TECPR2: variants seen among roughly 807,000 people sequenced by gnomAD.
The protein encoded by TECPR2 is tectonin beta-propeller repeat-containing protein 2.
In TECPR2, 65 loss-of-function variants were observed where a neutral mutation model predicts 138.1. The observed-to-expected ratio is 0.47, with a 90% CI of 0.39 to 0.58. TECPR2 has a LOEUF of 0.58. Ranked by LOEUF, TECPR2 falls within the 20% of genes least tolerant of loss-of-function variation. The pLI is 0.00. For synonymous variants in TECPR2, 746 were observed against 749.8 expected (o/e 0.99, Z 0.08); for missense variants, 1,553 against 1,824.5 (o/e 0.85, Z 2.71).
At chr14:102,389,205 A>G (rs1459860807) in intron 2 of TECPR2, among the ~76,000 whole-genome samples, 1 of 152,002 alleles carries the variant, frequency 6.6e-6, no homozygotes, top group Non-Finnish European at 1.5e-5. Flanking sequence ...ACACACCTGT[A>G]ATCCCAGCTA....
intron 5 of TECPR2, 114 bp from the exon 6 acceptor site, chr14:102,424,862 AATT>A: frequency 9.5e-7 from 1 of 1,055,088 alleles, no homozygotes; most frequent in Non-Finnish European, 1.4e-6. Context: ...GTGAAAAATC[AATT>A]ATTGTCTTAG....
At chr14:102,368,069 G>A (rs1190818872) in intron 1 of TECPR2, among the ~76,000 whole-genome samples, 1 of 139,770 alleles carries the variant, frequency 7.2e-6, no homozygotes, top group Non-Finnish European at 1.5e-5. Context: ...GTGCAGTGGT[G>A]CGATCTTGGC....
chr14:102,495,854 G>A (rs950128122), intron 17 of TECPR2, among the ~76,000 whole-genome samples: 10 of 152,234 alleles, frequency 6.6e-5, no homozygotes, highest in African/African-American at 1.2e-4. Flanking sequence ...AGCAGCCGGC[G>A]GGTGAGGATG....
chr14:102,478,194 T>TGCACCACC (rs1890809609), intron 17 of TECPR2, among the ~76,000 whole-genome samples: 1 of 151,710 alleles, frequency 6.6e-6, no homozygotes, highest in Non-Finnish European at 1.5e-5. Flanking sequence ...ACTACAGGCA[T>TGCACCACC]GCACCACCGC....
At chr14:102,423,854 T>C (rs552121367) in intron 5 of TECPR2, among the ~76,000 whole-genome samples, 1 of 152,060 alleles carries the variant, frequency 6.6e-6, no homozygotes, top group South Asian at 2.1e-4. Context: ...AAGGCAACAA[T>C]ATAGATGGGT....
chr14:102,442,897 T>G (rs190087999), intron 11 of TECPR2, among the ~76,000 whole-genome samples: 6 of 152,208 alleles, frequency 3.9e-5, no homozygotes, highest in Non-Finnish European at 5.9e-5. Context: ...TTAGACATAC[T>G]TTATTGACAG....
chr14:102,370,759 G>A (rs570656905), intron 1 of TECPR2, among the ~76,000 whole-genome samples: 11 of 152,206 alleles, frequency 7.2e-5, no homozygotes, highest in Non-Finnish European at 1.6e-4. Flanking sequence ...GGAGGGAGAG[G>A]CGGGCAGATG....
chr14:102,391,494 T>C (rs1238450758), intron 2 of TECPR2, among the ~76,000 whole-genome samples: 1 of 152,198 alleles, frequency 6.6e-6, no homozygotes, highest in Non-Finnish European at 1.5e-5. Context: ...ACACAAGAGC[T>C]TCAAAGGTGC....
intron 15 of TECPR2, 75 bp from the exon 16 acceptor site, chr14:102,452,319 G>A: frequency 6.8e-7 from 1 of 1,462,640 alleles, no homozygotes; most frequent in Non-Finnish European, 9.3e-7. Context: ...GAAAGGCAAA[G>A]GCTGCCTTGT....
At chr14:102,412,165 C>T (rs1377389783) in intron 4 of TECPR2, among the ~76,000 whole-genome samples, 2 of 130,926 alleles carry the variant, frequency 1.5e-5, no homozygotes, top group African/African-American at 3.0e-5. Context: ...TGGTCTTACT[C>T]CTCTCACCCA....
intron 1 of TECPR2, among the ~76,000 whole-genome samples, chr14:102,364,541 C>T (rs946106101): frequency 2.0e-5 from 3 of 152,128 alleles, no homozygotes; most frequent in African/African-American, 7.2e-5. Flanking sequence ...ATTGAATTTT[C>T]AGGACTGCCT....
Position 102,407,329 on chromosome 14 carries a change from T to A in TECPR2, c.220-9T>A, listed in dbSNP as rs566000536. On this transcript the variant is annotated splice_polypyrimidine_tract_variant and intron_variant, in intron 2 of 19. Coordinates refer to ENST00000359520, the MANE Select transcript of TECPR2 (RefSeq NM_014844.5). Reference sequence around the variant, plus strand: ...GTTACAGATTCATTTGTTTTCAACGTTTCCCCAGGGGAAGACGGAATCTAT... The same window carrying A: ...GTTACAGATTCATTTGTTTTCAACGATTCCCCAGGGGAAGACGGAATCTAT... 11 of 1,588,770 alleles carry A rather than the reference T, an allele frequency of 6.9e-6. No homozygotes were observed. The South Asian group carries it at 1.3e-4, about 18-fold the overall frequency.
At chr14:102,438,264 G>A in intron 10 of TECPR2, 59 bp downstream of exon 10, 3 of 1,545,374 alleles carry the variant, frequency 1.9e-6, no homozygotes, top group South Asian at 1.2e-5. Context: ...CCTGCTCCCC[G>A]CCCCCGGGGT....
intron 2 of TECPR2, among the ~76,000 whole-genome samples, chr14:102,397,638 T>C (rs1888349686): frequency 6.6e-6 from 1 of 151,930 alleles, no homozygotes; most frequent in South Asian, 2.1e-4. Flanking sequence ...TCTCAGCTAC[T>C]TGGGAGGCTG....
At chr14:102,497,804 C>T (rs1012848562) in intron 19 of TECPR2, 85 bp downstream of exon 19, 250 of 1,434,872 alleles carry the variant, frequency 1.7e-4, no homozygotes, top group Non-Finnish European at 2.2e-4. Context: ...TCAAAGAAGC[C>T]GACCCCACTG....
At position 102,501,947 on chromosome 14, in the gene TECPR2, C is replaced by T. The variant is rs370968524; in HGVS notation, c.*3690C>T. 2 of 152,360 alleles carry T rather than the reference C, an allele frequency of 1.3e-5. No individual in the cohort carries two copies. The highest frequency in any genetic ancestry group is 1.9e-4 in the East Asian group (1 of 5,190). 9.4% of individuals were successfully genotyped at this position (152,360 alleles called of 1,614,324 possible). The stretch of plus-strand genomic sequence containing the variant: ...GCCCTACTGGGGAAGCCGGTCCGTA[C>T]GTAGGCCTTGCATCTCGCCACCTCC... On this transcript the variant is annotated 3_prime_UTR_variant, in exon 20 of 20. Coordinates refer to ENST00000359520, the MANE Select transcript of TECPR2 (RefSeq NM_014844.5).
intron 2 of TECPR2, among the ~76,000 whole-genome samples, chr14:102,380,129 A>G (rs1317598737): frequency 1.3e-5 from 2 of 150,296 alleles, no homozygotes; most frequent in Non-Finnish European, 3.0e-5. Context: ...AAATCCATGC[A>G]CAGAGGCGTC....
In TECPR2 at chr14:102,436,322, T is replaced by C. The variant is rs545955141; in HGVS notation, c.2394+1111T>C. Among the ~76,000 whole-genome samples, 924 of 141,024 alleles carry C rather than the reference T, an allele frequency of 6.6e-3. 11 individuals are homozygous for C. The highest frequency in any genetic ancestry group is 0.01 in the Non-Finnish European group (641 of 63,424). The allele number at this position is 141,024 out of a possible 152,430, so 92.5% of individuals were successfully genotyped here. A position where few individuals can be genotyped will look rare whatever the true frequency, so the allele number is the denominator to read the frequency against. Reference sequence around the variant, plus strand: ...GCTTTTTTTTCTTCTTTCTTTCTTTTTTTTTTTTTTTTCTGAGACAGGGTC... The same window carrying C: ...GCTTTTTTTTCTTCTTTCTTTCTTTCTTTTTTTTTTTTCTGAGACAGGGTC... On this transcript the variant is annotated intron_variant, in intron 9 of 19. Transcript: ENST00000359520.
intron 17 of TECPR2, among the ~76,000 whole-genome samples, chr14:102,485,654 C>A (rs1243192366): frequency 6.6e-6 from 1 of 152,166 alleles, no homozygotes; most frequent in Admixed American, 6.5e-5. Flanking sequence ...TCCCAGCCTG[C>A]CCTGCGTGTG....
Sources: allele counts gnomAD v4.1 joint callset (sites outside exome capture counted in the v4.1 genomes callset), GRCh38; gene constraint gnomAD v4.1.1; transcripts MANE v1.5; gene names NCBI Gene and HGNC (gene_info 2026-07-23, HGNC 2026-07-21).